The following DOCK1 variants were observed in gnomAD, a reference collection of about 807,000 sequenced individuals.
DOCK1 encodes the protein dedicator of cytokinesis protein 1.
DOCK1 carries 138 observed loss-of-function variants against 262.7 expected under a neutral mutation model. The observed-to-expected ratio is 0.53, with a 90% confidence interval of 0.46 to 0.61. The LOEUF (loss-of-function observed/expected upper bound fraction) is 0.61. Ranked by LOEUF, DOCK1 falls within the 20% of genes least tolerant of loss-of-function variation. DOCK1 has a pLI of 0.00. For synonymous variants in DOCK1, 866 were observed against 867.4 expected (o/e 1.00, Z 0.03); for missense variants, 1,908 against 2,370.7 (o/e 0.80, Z 4.05).
intron 10 of DOCK1, chr10:127,000,618 G>A (rs1029442064): frequency 2.4e-5 from 7 of 293,348 alleles, no homozygotes; most frequent in Admixed American, 1.4e-4. Context: ...AGGTTTTCAG[G>A]TCTTGGTGAT....
chr10:127,142,428 C>T (rs1397357934), intron 27 of DOCK1, among the ~76,000 whole-genome samples: 2 of 152,128 alleles, frequency 1.3e-5, no homozygotes, highest in Admixed American at 1.3e-4. Flanking sequence ...AAAGCATGGG[C>T]AGGGGAGTGT....
chr10:126,940,002 A>G (rs2034868688), intron 1 of DOCK1, among the ~76,000 whole-genome samples: 1 of 152,166 alleles, frequency 6.6e-6, no homozygotes, highest in South Asian at 2.1e-4. Flanking sequence ...GCATTGGGAG[A>G]GTCTAGGGTA....
At chr10:127,208,833 A>G (rs2057840989) in intron 27 of DOCK1, among the ~76,000 whole-genome samples, 1 of 152,218 alleles carries the variant, frequency 6.6e-6, no homozygotes, top group African/African-American at 2.4e-5. Context: ...TATTCTCTAA[A>G]GACCTAGGAT....
rs1331851487 is a variant in DOCK1 at position 127,316,272 on chromosome 10, A to G, written c.3045-22734A>G. Reference sequence around the variant, plus strand: ...AAGAGCTCTTGACTTGTTCATGGACAGACTGCAACTTTCTACCGTTTAACT... The same window carrying G: ...AAGAGCTCTTGACTTGTTCATGGACGGACTGCAACTTTCTACCGTTTAACT... On this transcript the variant is annotated intron_variant, in intron 29 of 51. Coordinates refer to ENST00000623213, the MANE Select transcript of DOCK1 (RefSeq NM_001290223.2). Among the ~76,000 whole-genome samples the G allele has an allele frequency of 3.3e-5, 5 of 152,198 alleles. No individual in the cohort carries two copies. The East Asian group carries it at 9.6e-4, about 29-fold the overall frequency.
chr10:127,331,451 T>C (rs2135668955), intron 29 of DOCK1, among the ~76,000 whole-genome samples: 1 of 152,174 alleles, frequency 6.6e-6, no homozygotes, highest in South Asian at 2.1e-4. Flanking sequence ...CCGGGTAATT[T>C]TTGTATTTTT....
chr10:127,384,760 G>A (rs779401251), intron 37 of DOCK1, 30 bp from the exon 38 acceptor site: 22 of 1,520,644 alleles, frequency 1.4e-5, no homozygotes, highest in Middle Eastern at 1.8e-4. Context: ...TTTCCGCCTC[G>A]GGTCCGCTCA....
intron 29 of DOCK1, among the ~76,000 whole-genome samples, chr10:127,288,016 A>T (rs1392131544): frequency 6.6e-6 from 1 of 152,216 alleles, no homozygotes. Flanking sequence ...AGTGTTTATT[A>T]AAGGAAAGGA....
intron 21 of DOCK1, among the ~76,000 whole-genome samples, chr10:127,052,241 T>C (rs1417182385): frequency 6.6e-6 from 1 of 152,222 alleles, no homozygotes; most frequent in Non-Finnish European, 1.5e-5. Flanking sequence ...GAAAACGTTT[T>C]ACAGGCCGTG....
At chr10:127,321,502 C>T (rs2062526697) in intron 29 of DOCK1, among the ~76,000 whole-genome samples, 1 of 151,382 alleles carries the variant, frequency 6.6e-6, no homozygotes, top group South Asian at 2.1e-4. Context: ...TATAAGTGGA[C>T]TGAGATTGAG....
At chr10:127,290,354 G>A (rs1287667489) in intron 29 of DOCK1, among the ~76,000 whole-genome samples, 1 of 151,972 alleles carries the variant, frequency 6.6e-6, no homozygotes, top group Non-Finnish European at 1.5e-5. Flanking sequence ...CTCCTTTTCT[G>A]TGATATTCAA....
chr10:127,233,623 C>G (rs1050423062), intron 27 of DOCK1, among the ~76,000 whole-genome samples: 1 of 152,326 alleles, frequency 6.6e-6, no homozygotes, highest in Non-Finnish European at 1.5e-5. Flanking sequence ...CCAGTAAGTT[C>G]TCTGTCAGAG....
chr10:127,284,415 TTTTG>T (rs1362557922), intron 29 of DOCK1, among the ~76,000 whole-genome samples: 4 of 152,198 alleles, frequency 2.6e-5, no homozygotes, highest in South Asian at 2.1e-4. Context: ...ATATTAAACT[TTTTG>T]TTTGTCTAGA....
chr10:127,349,055 C>T (rs1330464395), intron 31 of DOCK1, among the ~76,000 whole-genome samples: 1 of 152,126 alleles, frequency 6.6e-6, no homozygotes, highest in Non-Finnish European at 1.5e-5. Context: ...GTCCCACATG[C>T]ACCGGTGGTG....
chr10:127,036,462 T>C (rs1396872423), intron 18 of DOCK1, among the ~76,000 whole-genome samples: 5 of 152,234 alleles, frequency 3.3e-5, no homozygotes, highest in Admixed American at 3.3e-4. Flanking sequence ...TTGTTTTTTT[T>C]TTCTTCTTCA....
chr10:127,038,478 G>C (rs919128411), intron 19 of DOCK1, among the ~76,000 whole-genome samples: 12 of 152,196 alleles, frequency 7.9e-5, no homozygotes, highest in African/African-American at 2.9e-4. Flanking sequence ...CCTTCTGCAG[G>C]GTCGTTGTGG....
At chr10:127,375,699 G>A (rs1305087138) in intron 35 of DOCK1, among the ~76,000 whole-genome samples, 3 of 152,218 alleles carry the variant, frequency 2.0e-5, no homozygotes, top group Non-Finnish European at 2.9e-5. Context: ...CCCCTTCATT[G>A]CATGGCTGGA....
At chr10:126,941,761 GACAAAACAAA>G (rs1192975240) in intron 1 of DOCK1, among the ~76,000 whole-genome samples, 1,576 of 150,598 alleles carry the variant, frequency 0.01, 17 homozygotes, top group Non-Finnish European at 0.014. Context: ...TCTCAAAACA[GACAAAACAAA>G]ACAAAACAAA....
chr10:127,321,624 C>T (rs558764013), intron 29 of DOCK1, among the ~76,000 whole-genome samples: 87 of 151,968 alleles, frequency 5.7e-4, no homozygotes, highest in African/African-American at 1.9e-3. Context: ...TGCTCTGAAC[C>T]CACTCCCCAT....
chr10:126,926,969 C>T (rs75263751), intron 1 of DOCK1, among the ~76,000 whole-genome samples: 11 of 152,070 alleles, frequency 7.2e-5, no homozygotes, highest in Non-Finnish European at 1.2e-4. Flanking sequence ...CTGACACAGT[C>T]GTAGAAATGC....
Sources: allele counts gnomAD v4.1 joint callset (sites outside exome capture counted in the v4.1 genomes callset), GRCh38; gene constraint gnomAD v4.1.1; transcripts MANE v1.5; gene names NCBI Gene and HGNC (gene_info 2026-07-23, HGNC 2026-07-21).